Variants in TCF12 observed in about 807,000 individuals in gnomAD.
TCF12 encodes the protein DNA-binding protein HTF4.
In TCF12, 45 loss-of-function variants were observed where a neutral mutation model predicts 86.0. The observed-to-expected ratio is 0.52, with a 90% CI of 0.41 to 0.67. The LOEUF is 0.67. TCF12 is among the 30% of genes least tolerant of loss of function. TCF12 has a pLI of 0.00. For missense variants in TCF12, 881 were observed against 859.9 expected (o/e 1.02, Z -0.31); for synonymous variants, 330 against 299.6 (o/e 1.10, Z -1.05).
At chr15:56,983,010 A>C (rs1239440423) in intron 3 of TCF12, among the ~76,000 whole-genome samples, 1 of 152,262 alleles carries the variant, frequency 6.6e-6, no homozygotes, top group Non-Finnish European at 1.5e-5. Context: ...ACAGTATATG[A>C]AGGTCAGATG....
At chr15:57,086,591 G>C (rs1183994997) in intron 4 of TCF12, among the ~76,000 whole-genome samples, 1 of 151,674 alleles carries the variant, frequency 6.6e-6, no homozygotes, top group Non-Finnish European at 1.5e-5. Context: ...CAATGATGGA[G>C]TGCTCACTGC....
chr15:57,043,246 T>C (rs2067012762), intron 3 of TCF12, among the ~76,000 whole-genome samples: 2 of 152,186 alleles, frequency 1.3e-5, no homozygotes, highest in Admixed American at 1.3e-4. Context: ...TCAATAAACA[T>C]GGGAATACAG....
intron 3 of TCF12, among the ~76,000 whole-genome samples, chr15:57,057,543 A>T (rs1378974781): frequency 6.6e-6 from 1 of 152,222 alleles, no homozygotes; most frequent in East Asian, 1.9e-4. Context: ...TGTAGTTGAT[A>T]GCAAGCTAGC....
At chr15:56,942,573 TTC>T (rs2060825369) in intron 3 of TCF12, among the ~76,000 whole-genome samples, 1 of 152,166 alleles carries the variant, frequency 6.6e-6, no homozygotes, top group Non-Finnish European at 1.5e-5. Context: ...GTAAAGATAG[TTC>T]TTGGGAAACT....
chr15:57,100,998 C>T (rs1463130263), intron 5 of TCF12, among the ~76,000 whole-genome samples: 1 of 152,098 alleles, frequency 6.6e-6, no homozygotes, highest in Non-Finnish European at 1.5e-5. Context: ...TGTGAGGCCC[C>T]ATAAAACAAT....
intron 3 of TCF12, among the ~76,000 whole-genome samples, chr15:56,978,211 T>C (rs1057395694): frequency 1.3e-5 from 2 of 152,184 alleles, no homozygotes; most frequent in Non-Finnish European, 2.9e-5. Flanking sequence ...TTCATTGTAC[T>C]GTATCGAGTA....
chr15:57,193,307 G>A (rs1036654105), intron 7 of TCF12, among the ~76,000 whole-genome samples: 3 of 152,186 alleles, frequency 2.0e-5, no homozygotes, highest in African/African-American at 7.2e-5. Context: ...CAGTTGAGTA[G>A]CATATACTAC....
At chr15:56,974,015 T>C (rs1166034308) in intron 3 of TCF12, among the ~76,000 whole-genome samples, 4 of 152,138 alleles carry the variant, frequency 2.6e-5, no homozygotes, top group African/African-American at 9.6e-5. Flanking sequence ...TAGGAATTAC[T>C]CAGATTAAAG....
chr15:57,078,367 A>G (rs573561519), intron 4 of TCF12, among the ~76,000 whole-genome samples: 84 of 152,294 alleles, frequency 5.5e-4, no homozygotes, highest in African/African-American at 1.8e-3. Context: ...AGGGAGTCCA[A>G]TGGTACTAAT....
At chr15:57,103,156 C>T (rs1249322361) in intron 5 of TCF12, among the ~76,000 whole-genome samples, 2 of 152,156 alleles carry the variant, frequency 1.3e-5, no homozygotes, top group African/African-American at 2.4e-5. Context: ...AAAATCGGTA[C>T]TGCCCAACAT....
At chr15:57,151,656 T>A (rs570345890) in intron 5 of TCF12, among the ~76,000 whole-genome samples, 47 of 152,118 alleles carry the variant, frequency 3.1e-4, no homozygotes, top group Middle Eastern at 6.8e-3. Context: ...TCCCAGCTCC[T>A]TGGGAGGCTG....
chr15:57,117,170 G>A (rs1427464145), intron 5 of TCF12, among the ~76,000 whole-genome samples: 1 of 151,542 alleles, frequency 6.6e-6, no homozygotes, highest in African/African-American at 2.4e-5. Flanking sequence ...CTCCCAAGGA[G>A]CTGTGACTAC....
At chr15:57,177,682 ATTCT>A (rs1483445933) in intron 6 of TCF12, among the ~76,000 whole-genome samples, 22 of 148,116 alleles carry the variant, frequency 1.5e-4, no homozygotes, top group Admixed American at 1.4e-3. Flanking sequence ...AACTTCATTC[ATTCT>A]TTCTTTTATT....
chr15:57,005,882 G>C (rs541255499), intron 3 of TCF12, among the ~76,000 whole-genome samples: 1 of 152,192 alleles, frequency 6.6e-6, no homozygotes, highest in African/African-American at 2.4e-5. Context: ...AGTATTTTAC[G>C]GAAGCTAAAT....
intron 8 of TCF12, among the ~76,000 whole-genome samples, chr15:57,209,972 C>T (rs1023543254): frequency 6.6e-6 from 1 of 152,136 alleles, no homozygotes; most frequent in East Asian, 1.9e-4. Flanking sequence ...TCTTTGATGT[C>T]ATATCACACT....
At chr15:57,028,522 G>C (rs891714267) in intron 3 of TCF12, among the ~76,000 whole-genome samples, 2 of 152,014 alleles carry the variant, frequency 1.3e-5, no homozygotes, top group Non-Finnish European at 2.9e-5. Flanking sequence ...TCTTTTGCCC[G>C]TTTTTAAATC....
chr15:57,116,118 CAAGATT>C (rs2050818231), intron 5 of TCF12, among the ~76,000 whole-genome samples: 1 of 152,064 alleles, frequency 6.6e-6, no homozygotes, highest in African/African-American at 2.4e-5. Flanking sequence ...TGAAGCATGA[CAAGATT>C]AAGTATCTTT....
At chr15:57,096,965 A>T (rs2049366907) in intron 5 of TCF12, among the ~76,000 whole-genome samples, 1 of 152,122 alleles carries the variant, frequency 6.6e-6, no homozygotes, top group Non-Finnish European at 1.5e-5. Context: ...TCTGTATCTC[A>T]GAACTTAAAG....
At chr15:57,022,964 G>T (rs2065588377) in intron 3 of TCF12, among the ~76,000 whole-genome samples, 1 of 152,138 alleles carries the variant, frequency 6.6e-6, no homozygotes, top group African/African-American at 2.4e-5. Context: ...ACACAGGTGG[G>T]AGTTGAATAA....
Sources: gnomAD v4.1 joint callset for allele counts (sites outside exome capture counted in the v4.1 genomes callset) on GRCh38, gnomAD v4.1.1 for gene constraint, MANE v1.5 for transcripts, NCBI Gene and HGNC (gene_info 2026-07-23, HGNC 2026-07-21) for gene names.